Variants in MALRD1 observed in about 807,000 individuals in gnomAD.
The protein encoded by MALRD1 is MAM and LDL receptor class A domain containing 1.
A neutral mutation model predicts 242.1 loss-of-function variants in MALRD1; 247 were observed. The observed-to-expected ratio is 1.02, with a 90% CI of 0.92 to 1.13. The LOEUF (loss-of-function observed/expected upper bound fraction) is 1.13, where lower values mean the gene tolerates loss of function less well. MALRD1 is among the 50% of genes most tolerant of loss of function. The probability of loss-of-function intolerance (pLI) is 0.00; values close to 1 mark genes in which losing one functional copy is unlikely to be tolerated. For missense variants in MALRD1, 2,989 were observed against 2,533.1 expected, an observed-to-expected ratio of 1.18 and a Z score of -3.86; for synonymous variants, 995 against 866.6, an observed-to-expected ratio of 1.15 and a Z score of -2.60.
At chr10:19,285,258 T>G (rs1323534987) in intron 21 of MALRD1, among the ~76,000 whole-genome samples, 12 of 142,470 alleles carry the variant, frequency 8.4e-5, no homozygotes, top group Admixed American at 5.0e-4. Flanking sequence ...TTAGTTTAAT[T>G]AGATCCCATT....
At chr10:19,393,752 G>T (rs774755776) in intron 28 of MALRD1, among the ~76,000 whole-genome samples, 13 of 152,002 alleles carry the variant, frequency 8.6e-5, no homozygotes, top group Non-Finnish European at 1.6e-4. Flanking sequence ...ACCGCGCCCG[G>T]CCCTGATGGG....
intron 23 of MALRD1, among the ~76,000 whole-genome samples, chr10:19,328,793 C>G (rs1843242163): frequency 6.6e-6 from 1 of 152,116 alleles, no homozygotes; most frequent in Non-Finnish European, 1.5e-5. Flanking sequence ...CAACCTGAAG[C>G]AGTAAAGACT....
chr10:19,123,307 G>A (rs1158132488), intron 5 of MALRD1, among the ~76,000 whole-genome samples, 185 bp from the exon 6 acceptor site: 1 of 148,736 alleles, frequency 6.7e-6, no homozygotes, highest in Non-Finnish European at 1.5e-5. Flanking sequence ...TGGTGTGTAT[G>A]TGTGTGTGTG....
At position 19,719,201 on chromosome 10, in the gene MALRD1, T is replaced by TATACAC. The variant is rs1170497771; in HGVS notation, c.6315-11502_6315-11501insCACATA. The stretch of plus-strand genomic sequence containing the variant: ...ATATATATATATATACATACATATA[T>TATACAC]ATATATATATACACATACATACATA... On this transcript the variant is annotated intron_variant, in intron 38 of 39. Transcript: ENST00000454679. Among the ~76,000 whole-genome samples, 7 of 95,868 alleles carry TATACAC rather than the reference T, an allele frequency of 7.3e-5. No homozygotes were observed. In the East Asian group the frequency reaches 1.1e-3, roughly 15 times the overall value. The allele number at this position is 95,868 out of a possible 152,430, so 62.9% of individuals were successfully genotyped here.
intron 36 of MALRD1, among the ~76,000 whole-genome samples, chr10:19,629,123 C>G (rs1839802804): frequency 2.6e-5 from 4 of 152,154 alleles, no homozygotes; most frequent in Admixed American, 2.6e-4. Context: ...GTCTGCACCC[C>G]TTCCCAAAAA....
chr10:19,618,099 C>A (rs979193572), intron 36 of MALRD1, among the ~76,000 whole-genome samples: 1 of 151,934 alleles, frequency 6.6e-6, no homozygotes, highest in Non-Finnish European at 1.5e-5. Flanking sequence ...TCTGTTCCTG[C>A]GTTAGTTTGC....
rs1019799633 is a variant in MALRD1, at chr10:19,078,113, A to T, written c.341-9727A>T. ...GTCAGCTATTATCATTAGGATTTAA[A>T]TTTTTTTTATTTTTTTTGAATTTTA... On this transcript the variant is annotated intron_variant, in intron 2 of 39. Coordinates refer to ENST00000454679, the MANE Select transcript of MALRD1 (RefSeq NM_001142308.3). Among the ~76,000 whole-genome samples the T allele has an allele frequency of 7.3e-5, 11 of 151,220 alleles. No homozygotes were observed. In the South Asian group the frequency reaches 1.2e-3, roughly 17 times the overall value.
chr10:19,489,338 GA>G (rs1427247924), intron 29 of MALRD1: 2 of 537,370 alleles, frequency 3.7e-6, no homozygotes, highest in Non-Finnish European at 7.5e-6. Flanking sequence ...AGAAAACGGG[GA>G]AAGGAAAACT....
intron 29 of MALRD1, among the ~76,000 whole-genome samples, chr10:19,471,811 A>T (rs1836512653): frequency 6.6e-6 from 1 of 151,886 alleles, no homozygotes; most frequent in Admixed American, 6.6e-5. Flanking sequence ...TAATTCTAAC[A>T]GGGTTTTCTT....
chr10:19,612,247 C>T (rs1407455616), intron 35 of MALRD1, among the ~76,000 whole-genome samples: 1 of 151,856 alleles, frequency 6.6e-6, no homozygotes, highest in East Asian at 1.9e-4. Flanking sequence ...CAGCAAATTC[C>T]TTATTTGTAA....
chr10:19,672,524 A>G (rs957099187), intron 36 of MALRD1, among the ~76,000 whole-genome samples: 1 of 151,366 alleles, frequency 6.6e-6, no homozygotes, highest in Non-Finnish European at 1.5e-5. Flanking sequence ...CCTGGGTTCA[A>G]GCAATTCTCC....
At chr10:19,166,275 A>G (rs962386308) in intron 13 of MALRD1, among the ~76,000 whole-genome samples, 3 of 152,208 alleles carry the variant, frequency 2.0e-5, no homozygotes, top group Admixed American at 6.5e-5. Context: ...TGAGAATGTT[A>G]TCCACCTTTG....
intron 18 of MALRD1, among the ~76,000 whole-genome samples, chr10:19,222,129 C>T (rs1158878751): frequency 6.6e-6 from 1 of 151,780 alleles, no homozygotes; most frequent in Admixed American, 6.6e-5. Context: ...GCCTCCTTCC[C>T]TTCCTCTCTC....
intron 36 of MALRD1, among the ~76,000 whole-genome samples, chr10:19,638,550 G>A (rs865785958): frequency 6.6e-6 from 1 of 152,130 alleles, no homozygotes; most frequent in Non-Finnish European, 1.5e-5. Flanking sequence ...TTGGAAAATG[G>A]TAGTACTGCA....
At chr10:19,500,095 G>A (rs1837904115) in intron 31 of MALRD1, among the ~76,000 whole-genome samples, 1 of 152,176 alleles carries the variant, frequency 6.6e-6, no homozygotes, top group Non-Finnish European at 1.5e-5. Flanking sequence ...GGCTTTGCCA[G>A]ATTTTAGTAT....
At chr10:19,629,209 C>A (rs150667805) in intron 36 of MALRD1, among the ~76,000 whole-genome samples, 34 of 152,280 alleles carry the variant, frequency 2.2e-4, no homozygotes, top group African/African-American at 7.2e-4. Context: ...TAAGCATTCA[C>A]AGTTGGTGCC....
At chr10:19,366,688 T>C (rs1845125981) in intron 26 of MALRD1, among the ~76,000 whole-genome samples, 1 of 152,182 alleles carries the variant, frequency 6.6e-6, no homozygotes, top group Admixed American at 6.5e-5. Context: ...ACATATGGGT[T>C]GGTTCAAACC....
At chr10:19,152,956 C>T (rs1223918603) in intron 11 of MALRD1, among the ~76,000 whole-genome samples, 1 of 151,952 alleles carries the variant, frequency 6.6e-6, no homozygotes, top group African/African-American at 2.4e-5. Context: ...TTATCATTTG[C>T]CATTTAGAAT....
chr10:19,345,314 T>G (rs777753138), intron 24 of MALRD1, among the ~76,000 whole-genome samples: 6 of 152,178 alleles, frequency 3.9e-5, no homozygotes, highest in Non-Finnish European at 7.4e-5. Flanking sequence ...AAATGGCCTC[T>G]CTAGATGCTG....
Sources: gnomAD v4.1 joint callset for allele counts (sites outside exome capture counted in the v4.1 genomes callset) on GRCh38, gnomAD v4.1.1 for gene constraint, MANE v1.5 for transcripts, NCBI Gene and HGNC (gene_info 2026-07-23, HGNC 2026-07-21) for gene names.